Variants in DLGAP2 observed in about 807,000 individuals in gnomAD.
DLGAP2 encodes the protein disks large-associated protein 2.
Under a neutral mutation model 100.3 loss-of-function variants are expected in DLGAP2, and 26 were observed. The observed-to-expected ratio is 0.26, with a 90% CI of 0.19 to 0.36. The LOEUF (loss-of-function observed/expected upper bound fraction) is 0.36, where lower values mean the gene tolerates loss of function less well. Ranked by LOEUF, DLGAP2 falls within the 10% of genes least tolerant of loss-of-function variation. The probability of loss-of-function intolerance (pLI) is 1.00; values close to 1 mark genes in which losing one functional copy is unlikely to be tolerated. For synonymous variants in DLGAP2, 886 were observed against 630.1 expected (o/e 1.41, Z -6.08); for missense variants, 1,858 against 1,453.2 (o/e 1.28, Z -4.53).
In DLGAP2 at chr8:1,254,979, G is replaced by C. The variant is rs796177562; in HGVS notation, c.74-3872G>C. On this transcript the variant is annotated intron_variant, in intron 2 of 14. Coordinates refer to ENST00000637795, the MANE Select transcript of DLGAP2 (RefSeq NM_001346810.2). ...GTGTGTGTCCTCTCATCCTGTCCGG[G>C]TGCTGTGTGTGTGTCCTCTCATCCT... Among the ~76,000 whole-genome samples, 443 of 52,016 alleles carry C rather than the reference G, an allele frequency of 8.5e-3. 13 individuals carry two copies. Among genetic ancestry groups the C allele is most frequent in the Middle Eastern group, 0.065 (7 of 108 alleles). The allele number at this position is 52,016 out of a possible 152,430, so 34.1% of individuals were successfully genotyped here.
chr8:1,029,144 A>C (rs961913670), intron 2 of DLGAP2, among the ~76,000 whole-genome samples: 2 of 152,170 alleles, frequency 1.3e-5, no homozygotes, highest in African/African-American at 4.8e-5. Context: ...CCAGGTCCCC[A>C]GGGCGTGCCT....
chr8:998,157 TAC>T (rs1305938804), intron 2 of DLGAP2, among the ~76,000 whole-genome samples: 4 of 151,910 alleles, frequency 2.6e-5, no homozygotes, highest in South Asian at 2.1e-4. Context: ...ACAACACACA[TAC>T]ACACATGTAT....
chr8:1,586,738 T>A (rs1001013831), intron 6 of DLGAP2, among the ~76,000 whole-genome samples: 15 of 152,252 alleles, frequency 9.9e-5, no homozygotes, highest in African/African-American at 3.6e-4. Context: ...TGCGTGACTT[T>A]AACATTACCG....
chr8:818,127 G>A (rs903113612), intron 1 of DLGAP2, among the ~76,000 whole-genome samples: 2 of 152,222 alleles, frequency 1.3e-5, no homozygotes, highest in African/African-American at 4.8e-5. Context: ...GTGAGGGGCA[G>A]GGACAGGCAT....
At chr8:1,008,904 C>A (rs1300606389) in intron 2 of DLGAP2, among the ~76,000 whole-genome samples, 1 of 152,230 alleles carries the variant, frequency 6.6e-6, no homozygotes, top group East Asian at 1.9e-4. Context: ...CTTCTGACAC[C>A]CAGATGCAAC....
rs548588671 is a variant in DLGAP2, at chr8:1,182,020, G to A, written c.74-76831G>A. Among the ~76,000 whole-genome samples the A allele has an allele frequency of 7.2e-5, 11 of 152,362 alleles. No homozygotes were observed. The South Asian group carries it at 2.1e-3, about 29-fold the overall frequency. On this transcript the variant is annotated intron_variant, in intron 2 of 14. Coordinates refer to ENST00000637795, the MANE Select transcript of DLGAP2 (RefSeq NM_001346810.2). The stretch of plus-strand genomic sequence containing the variant: ...GGAGCTGTGGTTTCCAGAAGCTGAC[G>A]TGGGAGGTTGCAGCCTCTGTGCTGC...
chr8:1,331,977 CA>C, intron 3 of DLGAP2, among the ~76,000 whole-genome samples: 1 of 152,200 alleles, frequency 6.6e-6, no homozygotes, highest in South Asian at 2.1e-4. Context: ...ACCCCCTGAA[CA>C]GCCCCAGGGT....
chr8:1,033,040 A>G (rs1432827387), intron 2 of DLGAP2: 2 of 152,244 alleles, frequency 1.3e-5, no homozygotes, highest in African/African-American at 2.4e-5. Flanking sequence ...AAATCTGCAA[A>G]TGATAGCAGT....
chr8:1,492,577 C>T (rs1799420089), intron 3 of DLGAP2, among the ~76,000 whole-genome samples: 2 of 152,208 alleles, frequency 1.3e-5, no homozygotes, highest in African/African-American at 4.8e-5. Context: ...ATTGTCACTG[C>T]GCCTGCGCGG....
intron 2 of DLGAP2, among the ~76,000 whole-genome samples, chr8:1,092,872 G>C (rs1181972444): frequency 1.3e-4 from 20 of 152,186 alleles, no homozygotes; most frequent in Admixed American, 1.3e-3. Context: ...ACTGGGTTCA[G>C]CCCAGATCAG....
chr8:1,059,321 C>T (rs928206075), intron 2 of DLGAP2, among the ~76,000 whole-genome samples: 3 of 137,226 alleles, frequency 2.2e-5, no homozygotes, highest in African/African-American at 8.9e-5. Context: ...GGTATGGACT[C>T]TCCCTGCCTT....
chr8:1,221,603 CAG>C (rs1409478014), intron 2 of DLGAP2, among the ~76,000 whole-genome samples: 2 of 152,070 alleles, frequency 1.3e-5, no homozygotes, highest in African/African-American at 4.8e-5. Flanking sequence ...TATTATCTCT[CAG>C]GGGTTCTCTG....
intron 2 of DLGAP2, among the ~76,000 whole-genome samples, chr8:1,126,616 G>A (rs1196821452): frequency 1.3e-5 from 2 of 152,044 alleles, no homozygotes; most frequent in African/African-American, 4.8e-5. Context: ...AGGGCTTTCA[G>A]TAGGGTCTCG....
At chr8:1,386,104 A>G (rs1796214209) in intron 3 of DLGAP2, among the ~76,000 whole-genome samples, 1 of 152,250 alleles carries the variant, frequency 6.6e-6, no homozygotes, top group African/African-American at 2.4e-5. Flanking sequence ...AGAAAACAGG[A>G]AAATGACAAA....
chr8:1,252,519 C>T (rs572296149), intron 2 of DLGAP2, among the ~76,000 whole-genome samples: 17 of 152,300 alleles, frequency 1.1e-4, no homozygotes, highest in East Asian at 5.8e-4. Flanking sequence ...CCATGTTACA[C>T]GGTGGTGTTG....
intron 2 of DLGAP2, among the ~76,000 whole-genome samples, chr8:977,242 C>G (rs1479688773): frequency 6.6e-6 from 1 of 152,194 alleles, no homozygotes; most frequent in African/African-American, 2.4e-5. Context: ...CTGTCTGTAC[C>G]TGGTTGGTCT....
intron 2 of DLGAP2, among the ~76,000 whole-genome samples, chr8:1,226,836 A>G (rs1278599509): frequency 6.6e-6 from 1 of 152,090 alleles, no homozygotes; most frequent in Non-Finnish European, 1.5e-5. Flanking sequence ...TGCCCACCAA[A>G]TAGCATAGCT....
intron 3 of DLGAP2, among the ~76,000 whole-genome samples, chr8:1,323,838 C>T (rs1050284860): frequency 1.3e-5 from 2 of 152,204 alleles, no homozygotes; most frequent in African/African-American, 2.4e-5. Context: ...GTTCCTGGAG[C>T]TGAGGGCTTG....
chr8:1,444,602 T>C (rs1563153499), intron 3 of DLGAP2, among the ~76,000 whole-genome samples: 1 of 152,050 alleles, frequency 6.6e-6, no homozygotes, highest in Non-Finnish European at 1.5e-5. Flanking sequence ...GAACCCTCCC[T>C]CCACCTCCTT....
Sources: gnomAD v4.1 joint callset for allele counts (sites outside exome capture counted in the v4.1 genomes callset) on GRCh38, gnomAD v4.1.1 for gene constraint, MANE v1.5 for transcripts, NCBI Gene and HGNC (gene_info 2026-07-23, HGNC 2026-07-21) for gene names.